TCN2: variants seen among roughly 807,000 people sequenced by gnomAD.
The protein encoded by TCN2 is transcobalamin 2.
In TCN2, 34 loss-of-function variants were observed where a neutral mutation model predicts 48.6. That is an observed-to-expected ratio of 0.70 (90% CI 0.53 to 0.93). The LOEUF is 0.93. Among genes scored for constraint, TCN2 ranks in the 40% least tolerant of loss-of-function variants. The pLI, the probability that TCN2 is intolerant of heterozygous loss-of-function variation, is 0.00. For synonymous variants in TCN2, 283 were observed against 212.5 expected (o/e 1.33, Z -2.89); for missense variants, 652 against 526.1 (o/e 1.24, Z -2.34).
intron 6 of TCN2, among the ~76,000 whole-genome samples, 198 bp downstream of exon 6, chr22:30,615,985 C>T (rs985339312): frequency 2.0e-5 from 3 of 151,770 alleles, no homozygotes; most frequent in Admixed American, 6.6e-5. Flanking sequence ...AATGGAGATC[C>T]CTGGGCATAT....
chr22:30,623,513 A>C (rs1215012805), intron 8 of TCN2, among the ~76,000 whole-genome samples: 2 of 151,612 alleles, frequency 1.3e-5, no homozygotes, highest in Non-Finnish European at 2.9e-5. Flanking sequence ...CTGCCTCCCA[A>C]AGTTCTGGGA....
In TCN2 at chr22:30,614,452, CA is replaced by C. The variant is rs747310258; in HGVS notation, c.534del (p.Lys178AsnfsTer29). ...AGCGGGTCCATGACAGCGTGGTGGA[CA>C]AACTTCTGTATGCTGTGGAACCTTT... The part of the protein sequence containing the change: ...QKRVHDSVVD[K>X]LLYAVEPFHQ... On this transcript the variant is annotated frameshift_variant, in exon 4 of 9. Transcript: ENST00000215838. LOFTEE classifies it high-confidence loss of function. 1 of 1,614,182 alleles carries C rather than the reference CA, an allele frequency of 6.2e-7. No homozygotes were observed. The highest frequency in any genetic ancestry group is 1.1e-5 in the South Asian group (1 of 91,088).
At chr22:30,614,312 G>A (rs1231551919) in intron 3 of TCN2, 37 bp from the exon 4 acceptor site, 2 of 1,607,162 alleles carry the variant, frequency 1.2e-6, no homozygotes, top group Non-Finnish European at 1.7e-6. Context: ...GCTGGGTGGG[G>A]GCAGAGAGGC....
At position 30,626,472 on chromosome 22, in the gene TCN2, A is replaced by G. The variant is rs745363222; in HGVS notation, c.1235A>G (p.Tyr412Cys). ...TCTGTTTCTGCAGGTATTGCTGACT[A>G]CAGACCCAAGGATGGAGAAACCATT... The part of the protein sequence containing the change: ...NTPLLQGIAD[Y>C]RPKDGETIEL... The change falls in exon 9 of 9, where the codon TAC (tyrosine) becomes TGC (cysteine). Residue 412 changes from tyrosine (Y) to cysteine (C), a missense_variant. Coordinates refer to ENST00000215838, the MANE Select transcript of TCN2 (RefSeq NM_000355.4). 3.1e-6 allele frequency: 5 copies of G among 1,614,104 alleles called. No homozygotes were observed. Among genetic ancestry groups the G allele is most frequent in the South Asian group, 2.2e-5 (2 of 91,078 alleles).
At chr22:30,623,941 C>CACATATAT (rs2087756209) in intron 8 of TCN2, among the ~76,000 whole-genome samples, 1 of 90,674 alleles carries the variant, frequency 1.1e-5, no homozygotes, top group Non-Finnish European at 1.9e-5. Flanking sequence ...CATATATACA[C>CACATATAT]ACACACATAT....
chr22:30,612,851 G>A (rs1472988902), intron 2 of TCN2, 22 bp from the exon 3 acceptor site: 1 of 1,612,430 alleles, frequency 6.2e-7, no homozygotes, highest in South Asian at 1.1e-5. Flanking sequence ...TCTCACAAAG[G>A]CATTAACTGG....
In TCN2 at chr22:30,615,381, A is replaced by G. The variant is rs765026548; in HGVS notation, c.661A>G (p.Met221Val). 4.3e-6 allele frequency: 7 copies of G among 1,614,180 alleles called. No homozygotes were observed. The highest frequency in any genetic ancestry group is 1.1e-5 in the South Asian group (1 of 91,088). The stretch of plus-strand genomic sequence containing the variant: ...CCCTGGTCGGAGACAACGGATCACC[A>G]TGGCCATCAGAACAGTGCGAGAGGA... Reference protein sequence around the residue: ...FNPGRRQRITMAIRTVREEIL... With the variant: ...FNPGRRQRITVAIRTVREEIL... The change falls in exon 5 of 9, where the codon ATG becomes GTG. Residue 221 changes from methionine to valine, a missense_variant. Transcript: ENST00000215838.
chr22:30,616,756 G>A (rs767482917), intron 6 of TCN2, among the ~76,000 whole-genome samples: 31 of 152,130 alleles, frequency 2.0e-4, no homozygotes, highest in South Asian at 4.1e-4. Context: ...AGCCGAGATC[G>A]CGCCATTGCA....
chr22:30,620,089 C>T (rs910920486), intron 7 of TCN2, among the ~76,000 whole-genome samples: 1 of 151,880 alleles, frequency 6.6e-6, no homozygotes, highest in Non-Finnish European at 1.5e-5. Context: ...CCCAGGAGTT[C>T]AAGGCGGCAG....
intron 1 of TCN2, among the ~76,000 whole-genome samples, chr22:30,609,072 C>G (rs1255614093): frequency 2.6e-5 from 4 of 152,046 alleles, no homozygotes; most frequent in African/African-American, 9.7e-5. Context: ...GTTTAAAGCT[C>G]TATATGTATG....
chr22:30,612,572 TAAAAAAA>T (rs1328391038), intron 2 of TCN2, among the ~76,000 whole-genome samples: 1 of 151,442 alleles, frequency 6.6e-6, no homozygotes, highest in Admixed American at 6.6e-5. Flanking sequence ...ATAAATAAAA[TAAAAAAA>T]TAAAAAAGGA....
At chr22:30,610,171 C>T (rs754984359) in intron 1 of TCN2, 6 of 469,032 alleles carry the variant, frequency 1.3e-5, no homozygotes, top group African/African-American at 4.0e-5. Context: ...AGGTAAACGG[C>T]TGCAAGCTGT....
chr22:30,616,040 G>C (rs1441835949), intron 6 of TCN2, among the ~76,000 whole-genome samples: 2 of 111,432 alleles, frequency 1.8e-5, no homozygotes, highest in South Asian at 2.5e-4. Context: ...TGGATGGATG[G>C]ATGGATGGAT....
chr22:30,607,376 G>A lies in TCN2; in HGVS notation c.45G>A (p.Gly15=). Residue 15 remains glycine, a synonymous_variant, in exon 1 of 9, where the codon GGG becomes GGA. Transcript: ENST00000215838. Reference sequence around the variant, plus strand: ...TCCTCTTCCTTCTGGGGGTCCTGGGGGCCCTCACTGAGATGTGTGGTGAGT... The same window carrying A: ...TCCTCTTCCTTCTGGGGGTCCTGGGAGCCCTCACTGAGATGTGTGGTGAGT... ...GAFLFLLGVL[G]ALTEMCEIPE... is the part of the protein sequence containing the mutation. 6.2e-7 allele frequency: 1 copy of A among 1,614,092 alleles called. No homozygotes were observed. The highest frequency in any genetic ancestry group is 2.2e-5 in the East Asian group (1 of 44,868).
At chr22:30,616,649 A>G (rs1167592454) in intron 6 of TCN2, among the ~76,000 whole-genome samples, 2 of 152,060 alleles carry the variant, frequency 1.3e-5, no homozygotes, top group African/African-American at 4.8e-5. Flanking sequence ...AAAATACGAA[A>G]GATTAGCCAG....
chr22:30,614,576 C>G, intron 4 of TCN2, 75 bp downstream of exon 4: 1 of 1,588,998 alleles, frequency 6.3e-7, no homozygotes, highest in Admixed American at 1.7e-5. Flanking sequence ...GACCTCCATA[C>G]CCTGGCCCCC....
At chr22:30,619,009 A>G (rs940133686) in intron 7 of TCN2, among the ~76,000 whole-genome samples, 3 of 151,986 alleles carry the variant, frequency 2.0e-5, no homozygotes, top group Non-Finnish European at 4.4e-5. Context: ...ACCTCAAGTG[A>G]TATGTCTGCC....
intron 7 of TCN2, 71 bp downstream of exon 7, chr22:30,617,566 CG>C: frequency 1.2e-6 from 2 of 1,602,196 alleles, no homozygotes; most frequent in South Asian, 2.2e-5. Flanking sequence ...ACAGAAGAGA[CG>C]GGGAACAGAG....
chr22:30,608,247 C>T (rs2087482601), intron 1 of TCN2, among the ~76,000 whole-genome samples: 1 of 152,202 alleles, frequency 6.6e-6, no homozygotes, highest in African/African-American at 2.4e-5. Context: ...CCTGGGGAAA[C>T]CCTGAGAGGT....
Sources: gnomAD v4.1 joint callset for allele counts (sites outside exome capture counted in the v4.1 genomes callset) on GRCh38, gnomAD v4.1.1 for gene constraint, MANE v1.5 for transcripts, NCBI Gene and HGNC (gene_info 2026-07-23, HGNC 2026-07-21) for gene names.